PPT1: variants seen among roughly 807,000 people sequenced by gnomAD.
The protein encoded by PPT1 is ceroid-palmitoyl-palmitoyl-protein thioesterase 1.
PPT1 carries 24 observed loss-of-function variants against 44.0 expected under a neutral mutation model. That is an observed-to-expected ratio of 0.54 (90% confidence interval 0.39 to 0.77). The LOEUF (loss-of-function observed/expected upper bound fraction) is 0.77. Ranked by LOEUF, PPT1 falls within the 30% of genes least tolerant of loss-of-function variation. The probability of loss-of-function intolerance (pLI) is 0.00; values close to 1 mark genes in which losing one functional copy is unlikely to be tolerated. For synonymous variants in PPT1, 148 were observed against 140.2 expected (o/e 1.06, Z -0.39); for missense variants, 341 against 378.8 (o/e 0.90, Z 0.83).
At chr1:40,075,958 CAAAAAAAAAAAAAAAAA>C (rs56338772) in intron 8 of PPT1, among the ~76,000 whole-genome samples, 6 of 41,848 alleles carry the variant, frequency 1.4e-4, no homozygotes, top group South Asian at 1.5e-3. Context: ...AAGACTGTCT[CAAAAAAAAAAAAAAAAA>C]AAAAAAAAAA....
intron 5 of PPT1, among the ~76,000 whole-genome samples, chr1:40,087,728 T>C (rs1245408626): frequency 6.6e-6 from 1 of 151,934 alleles, no homozygotes; most frequent in African/African-American, 2.4e-5. Flanking sequence ...TTAAATACCA[T>C]GCAAATCCAT....
At chr1:40,085,395 A>G (rs1431812761) in intron 5 of PPT1, among the ~76,000 whole-genome samples, 1 of 152,094 alleles carries the variant, frequency 6.6e-6, no homozygotes, top group Non-Finnish European at 1.5e-5. Context: ...CTTGTATCCA[A>G]TAAATATCAG....
At chr1:40,079,471 A>T (rs1282519478) in intron 6 of PPT1, among the ~76,000 whole-genome samples, 1 of 130,946 alleles carries the variant, frequency 7.6e-6, no homozygotes, top group Non-Finnish European at 1.5e-5. Context: ...ATCTCAGCTC[A>T]CTGTAACCTC....
At chr1:40,086,209 C>T (rs1239738691) in intron 5 of PPT1, among the ~76,000 whole-genome samples, 1 of 152,070 alleles carries the variant, frequency 6.6e-6, no homozygotes, top group Non-Finnish European at 1.5e-5. Context: ...TTCATTGTGG[C>T]AGGGAGTGTA....
chr1:40,094,329 C>T (rs1484097387), intron 1 of PPT1, among the ~76,000 whole-genome samples: 1 of 152,196 alleles, frequency 6.6e-6, no homozygotes, highest in Non-Finnish European at 1.5e-5. Context: ...CTCACATGCG[C>T]AGTTCACAAC....
At chr1:40,096,648 TAA>T (rs78312262) in intron 1 of PPT1, among the ~76,000 whole-genome samples, 1 of 146,218 alleles carries the variant, frequency 6.8e-6, no homozygotes, top group African/African-American at 2.5e-5. Context: ...ATGCAAATAT[TAA>T]AAAAAAAAAA....
At chr1:40,079,392 C>CTTTTT (rs11464192) in intron 6 of PPT1, among the ~76,000 whole-genome samples, 41 of 90,108 alleles carry the variant, frequency 4.6e-4, no homozygotes, top group Non-Finnish European at 4.9e-4. Context: ...TTTTCTTTTC[C>CTTTTT]TTTTTTTTTT....
intron 1 of PPT1, among the ~76,000 whole-genome samples, chr1:40,096,139 C>G (rs60099154): frequency 0.086 from 13,080 of 152,140 alleles, 805 homozygotes; most frequent in African/African-American, 0.17. Context: ...GTTTTGTACT[C>G]AGATGTCACT....
chr1:40,092,041 G>C lies in PPT1; in HGVS notation c.362+4C>G, dbSNP rs534592472. 1 of 1,613,794 alleles carries C rather than the reference G, an allele frequency of 6.2e-7. No homozygotes were observed. Among genetic ancestry groups the C allele is most frequent in the African/African-American group, 1.3e-5 (1 of 74,912 alleles). ...GTGGTACAATATAACAAAAAGGAACGTACAGAAATTGGCCTCCCTGGGAGA... is the reference window on the plus strand; with the variant it reads ...GTGGTACAATATAACAAAAAGGAACCTACAGAAATTGGCCTCCCTGGGAGA... On this transcript the variant is annotated splice_donor_region_variant and intron_variant, in intron 3 of 8. Coordinates refer to ENST00000642050, the MANE Select transcript of PPT1 (RefSeq NM_000310.4).
At chr1:40,081,364 C>T (rs369508684) in intron 5 of PPT1, among the ~76,000 whole-genome samples, 1 of 151,844 alleles carries the variant, frequency 6.6e-6, no homozygotes, top group African/African-American at 2.4e-5. Context: ...GAGGAAACCC[C>T]GTCTCTACTA....
intron 5 of PPT1, chr1:40,082,417 G>T (rs1198486250): frequency 1.9e-5 from 2 of 102,670 alleles, no homozygotes; most frequent in Non-Finnish European, 5.1e-5. Flanking sequence ...AACATTTATA[G>T]AATGCAAAAA....
intron 6 of PPT1, among the ~76,000 whole-genome samples, chr1:40,079,938 A>G (rs1285042709): frequency 6.6e-6 from 1 of 152,248 alleles, no homozygotes; most frequent in Non-Finnish European, 1.5e-5. Flanking sequence ...CAAAAAACCA[A>G]AAGACTCTCC....
In PPT1 at chr1:40,089,148, G is replaced by A. The variant is rs554061643; in HGVS notation, c.536+262C>T. On this transcript the variant is annotated intron_variant, in intron 5 of 8. Transcript: ENST00000642050. ...TCTGAAAATACAAAATTAGCCAGGC[G>A]TAGTGGCGCATGCCTGTAATCCCAG... Among the ~76,000 whole-genome samples the A allele has an allele frequency of 1.2e-3, 184 of 152,138 alleles. 2 individuals are homozygous for A. Among genetic ancestry groups the A allele is most frequent in the South Asian group, 4.4e-3 (21 of 4,810 alleles).
intron 1 of PPT1, among the ~76,000 whole-genome samples, chr1:40,094,937 C>T (rs1570473721): frequency 6.6e-6 from 1 of 152,204 alleles, no homozygotes; most frequent in South Asian, 2.1e-4. Context: ...CTGTAGTAGC[C>T]CCAGGGCCTG....
rs550492793 is a variant in PPT1, at chr1:40,097,199, G to A, written c.40C>T (p.Leu14Phe). The change falls in exon 1 of 9, where the codon CTC (leucine) becomes TTC (phenylalanine). Residue 14 changes from leucine to phenylalanine, a missense_variant. Leu to Phe is a conservative substitution (Grantham distance 22). Coordinates refer to ENST00000642050, the MANE Select transcript of PPT1 (RefSeq NM_000310.4). ...CGAGAAGCGCAGGTCCATGGCAGGA[G>A]AGCCACAGCCAAGAGCCACAGGCAG... ...PGCLWLLAVA[L>F]LPWTCASRAL... is the part of the protein sequence containing the mutation. The A allele has an allele frequency of 4.3e-6, 7 of 1,614,082 alleles. No homozygotes were observed. Among genetic ancestry groups the A allele is most frequent in the East Asian group, 4.5e-5 (2 of 44,868 alleles).
At chr1:40,075,643 A>G (rs1045055527) in intron 8 of PPT1, among the ~76,000 whole-genome samples, 6 of 152,056 alleles carry the variant, frequency 3.9e-5, no homozygotes, top group Non-Finnish European at 8.8e-5. Context: ...TGTAGTACTT[A>G]GCATTTTGGA....
At chr1:40,085,272 C>T (rs1649199807) in intron 5 of PPT1, among the ~76,000 whole-genome samples, 1 of 152,220 alleles carries the variant, frequency 6.6e-6, no homozygotes, top group Admixed American at 6.5e-5. Flanking sequence ...CTCTCTCTCT[C>T]TCCCCACCTC....
At position 40,091,865 on chromosome 1, in the gene PPT1, C is replaced by CA. The variant is rs11308805; in HGVS notation, c.362+179dup. The stretch of plus-strand genomic sequence containing the variant: ...GGGCAACAAGAGAGAAATTCTGTCT[C>CA]AAAAAAAAAAAAAAAAGAAAAGAAA... On this transcript the variant is annotated intron_variant, in intron 3 of 8. Transcript: ENST00000642050. Among the ~76,000 whole-genome samples, 1,589 of 96,800 alleles carry CA rather than the reference C, an allele frequency of 0.016. 22 individuals are homozygous for CA. The highest frequency in any genetic ancestry group is 0.057 in the East Asian group (198 of 3,474). The allele number at this position is 96,800 out of a possible 152,430, so 63.5% of individuals were successfully genotyped here. A position where few individuals can be genotyped will look rare whatever the true frequency, so the allele number is the denominator to read the frequency against.
intron 4 of PPT1, 50 bp downstream of exon 4, chr1:40,091,278 TG>T: frequency 6.5e-7 from 1 of 1,538,254 alleles, no homozygotes; most frequent in Non-Finnish European, 9.0e-7. Context: ...TTAAATCAGG[TG>T]GTCATGTGGG....
Sources: allele counts gnomAD v4.1 joint callset (sites outside exome capture counted in the v4.1 genomes callset), GRCh38; gene constraint gnomAD v4.1.1; transcripts MANE v1.5; gene names NCBI Gene and HGNC (gene_info 2026-07-23, HGNC 2026-07-21).